CADM2: variants seen among roughly 807,000 people sequenced by gnomAD.
CADM2 encodes the protein immunoglobulin superfamily member 4D.
A neutral mutation model predicts 49.8 loss-of-function variants in CADM2; 12 were observed. The ratio of observed to expected loss-of-function variants is 0.24; its 90% CI spans 0.15 to 0.39. CADM2 has a LOEUF of 0.39. Among genes scored for constraint, CADM2 ranks in the 10% least tolerant of loss-of-function variants. The pLI is 1.00. For missense variants in CADM2, 378 were observed against 492.3 expected (o/e 0.77, Z 2.20); for synonymous variants, 214 against 175.4 (o/e 1.22, Z -1.74).
chr3:84,983,504 T>C (rs1269805524), intron 1 of CADM2, among the ~76,000 whole-genome samples: 2 of 152,176 alleles, frequency 1.3e-5, no homozygotes, highest in Admixed American at 6.5e-5. Flanking sequence ...AAGAGAGTGC[T>C]GATGAAATAA....
intron 5 of CADM2, among the ~76,000 whole-genome samples, chr3:85,891,217 G>A (rs765837982): frequency 5.3e-5 from 8 of 152,180 alleles, no homozygotes; most frequent in South Asian, 4.1e-4. Flanking sequence ...GCTACTTAGT[G>A]TGAGAAAAGA....
At chr3:85,052,821 A>G (rs960585115) in intron 1 of CADM2, among the ~76,000 whole-genome samples, 1 of 152,088 alleles carries the variant, frequency 6.6e-6, no homozygotes, top group East Asian at 1.9e-4. Context: ...AATGTCTTTT[A>G]TATTACAAAA....
In CADM2 at chr3:85,736,816, T is replaced by C. The variant is rs992068976; in HGVS notation, c.88+10268T>C. On this transcript the variant is annotated intron_variant, in intron 2 of 9. Coordinates refer to ENST00000383699, the MANE Select transcript of CADM2 (RefSeq NM_001167675.2). The stretch of plus-strand genomic sequence containing the variant: ...GAAAAAACAGATTAGTAGAGACTAC[T>C]ATAGATGACAAAGAGAAAAGGTGAA... 2.0e-5 allele frequency among the ~76,000 whole-genome samples: 3 copies of C among 152,134 alleles called. 1 individual carries two copies. The South Asian group carries it at 6.2e-4, about 32-fold the overall frequency.
chr3:85,082,645 A>C (rs1480817766), intron 1 of CADM2, among the ~76,000 whole-genome samples: 1 of 152,190 alleles, frequency 6.6e-6, no homozygotes, highest in African/African-American at 2.4e-5. Flanking sequence ...GCTTGAATAC[A>C]TAACAATGAA....
chr3:85,785,283 C>T lies in CADM2; in HGVS notation c.89-16764C>T, dbSNP rs774956135. Among the ~76,000 whole-genome samples, 7 of 151,778 alleles carry T rather than the reference C, an allele frequency of 4.6e-5. No individual in the cohort carries two copies. The South Asian group carries it at 6.2e-4, about 14-fold the overall frequency. The stretch of plus-strand genomic sequence containing the variant: ...GTGTCAGATTCATTTATTTCTGCTC[C>T]GATCTTTATTATTTCTTTTATGCAC... On this transcript the variant is annotated intron_variant, in intron 2 of 9. Transcript: ENST00000383699.
At chr3:85,526,406 A>T (rs1015052405) in intron 1 of CADM2, among the ~76,000 whole-genome samples, 4 of 152,176 alleles carry the variant, frequency 2.6e-5, no homozygotes, top group African/African-American at 9.7e-5. Context: ...ACACACAGTT[A>T]TGTAGCTTCT....
chr3:85,173,368 T>G (rs902554351), intron 1 of CADM2, among the ~76,000 whole-genome samples: 1 of 152,198 alleles, frequency 6.6e-6, no homozygotes, highest in African/African-American at 2.4e-5. Flanking sequence ...TAAATATTTC[T>G]AACTTCTATC....
chr3:85,842,799 G>A (rs1228009904), intron 3 of CADM2, among the ~76,000 whole-genome samples: 1 of 151,878 alleles, frequency 6.6e-6, no homozygotes, highest in Non-Finnish European at 1.5e-5. Context: ...CTTCTTATAG[G>A]AGACATCTAT....
chr3:85,064,990 G>A (rs1231701046), intron 1 of CADM2, among the ~76,000 whole-genome samples: 1 of 152,106 alleles, frequency 6.6e-6, no homozygotes. Context: ...GAATATAACA[G>A]CAGAGAGATT....
At chr3:85,842,226 G>A (rs777710907) in intron 3 of CADM2, among the ~76,000 whole-genome samples, 26 of 152,156 alleles carry the variant, frequency 1.7e-4, no homozygotes, top group Non-Finnish European at 1.5e-4. Context: ...CACACTGCTG[G>A]TCTAATGACC....
chr3:85,737,234 G>A (rs2068177252), intron 2 of CADM2, among the ~76,000 whole-genome samples: 1 of 152,068 alleles, frequency 6.6e-6, no homozygotes, highest in African/African-American at 2.4e-5. Flanking sequence ...AAGAAGATAA[G>A]ATCTTCTTTA....
At chr3:85,563,365 A>G (rs1387000252) in intron 1 of CADM2, among the ~76,000 whole-genome samples, 1 of 147,192 alleles carries the variant, frequency 6.8e-6, no homozygotes, top group Non-Finnish European at 1.5e-5. Context: ...TGTAACCTAG[A>G]AAATGATTCT....
intron 1 of CADM2, among the ~76,000 whole-genome samples, chr3:85,566,249 T>C (rs2062250781): frequency 6.6e-6 from 1 of 152,164 alleles, no homozygotes. Context: ...CATTAATACC[T>C]AAAGAATACA....
At chr3:85,976,639 A>C (rs1295949168) in intron 8 of CADM2, among the ~76,000 whole-genome samples, 1 of 151,644 alleles carries the variant, frequency 6.6e-6, no homozygotes, top group Non-Finnish European at 1.5e-5. Flanking sequence ...TAGTAGTTAA[A>C]AACATGTAAC....
At chr3:85,473,729 G>A (rs1292873217) in intron 1 of CADM2, among the ~76,000 whole-genome samples, 2 of 151,974 alleles carry the variant, frequency 1.3e-5, no homozygotes, top group South Asian at 2.1e-4. Context: ...AATTTATACC[G>A]ATTTTTATAT....
chr3:85,560,102 T>G (rs1381506868), intron 1 of CADM2, among the ~76,000 whole-genome samples: 1 of 152,138 alleles, frequency 6.6e-6, no homozygotes, highest in Non-Finnish European at 1.5e-5. Context: ...TTTAAAAATG[T>G]AGAAGGAAAA....
At chr3:85,078,124 G>T in intron 1 of CADM2, among the ~76,000 whole-genome samples, 1 of 152,128 alleles carries the variant, frequency 6.6e-6, no homozygotes. Context: ...CTGGGAAAAA[G>T]TCATTTAGTA....
chr3:85,346,029 T>G (rs78195640), intron 1 of CADM2, among the ~76,000 whole-genome samples: 2,175 of 152,292 alleles, frequency 0.014, 51 homozygotes, highest in African/African-American at 0.05. Context: ...TAAGAGTTTT[T>G]TCTACTGGTC....
intron 1 of CADM2, among the ~76,000 whole-genome samples, chr3:85,592,920 G>T (rs1478011244): frequency 2.6e-5 from 4 of 151,696 alleles, no homozygotes; most frequent in African/African-American, 7.3e-5. Context: ...TATTCTCATT[G>T]TTCAATTCCC....
Sources: allele counts gnomAD v4.1 joint callset (sites outside exome capture counted in the v4.1 genomes callset), GRCh38; gene constraint gnomAD v4.1.1; transcripts MANE v1.5; gene names NCBI Gene and HGNC (gene_info 2026-07-23, HGNC 2026-07-21).